The following SLC9A6 variants were observed in gnomAD, a reference collection of about 807,000 sequenced individuals.
SLC9A6 encodes the protein solute carrier family 9 member A6, also known as sodium/hydrogen exchanger 6.
In SLC9A6, 6 loss-of-function variants were observed where a neutral mutation model predicts 45.3. That is an observed-to-expected ratio of 0.13 (90% CI 0.07 to 0.26). SLC9A6 has a LOEUF of 0.26. Among genes scored for constraint, SLC9A6 ranks in the 10% least tolerant of loss-of-function variants. SLC9A6 has a pLI of 1.00. For missense variants in SLC9A6, 278 were observed against 503.7 expected, an observed-to-expected ratio of 0.55 and a Z score of 4.29; for synonymous variants, 191 against 187.7, an observed-to-expected ratio of 1.02 and a Z score of -0.14.
intron 11 of SLC9A6, 106 bp downstream of exon 11, chrX:136,016,864 C>T (rs1742421887): frequency 1.1e-5 from 5 of 445,941 alleles, no homozygotes; most frequent in Admixed American, 4.5e-5. Flanking sequence ...ATACAGTTTT[C>T]CTCTGAGTAA....
At chrX:136,031,525 C>A (rs1342013497) in intron 15 of SLC9A6, among the ~76,000 whole-genome samples, 1 of 112,337 alleles carries the variant, frequency 8.9e-6, no homozygotes, top group African/African-American at 3.2e-5. Context: ...CATGGTGAAA[C>A]CCTGTCTCTG....
intron 8 of SLC9A6, among the ~76,000 whole-genome samples, chrX:136,012,077 G>A (rs1175730135): frequency 1.8e-5 from 2 of 112,350 alleles, no homozygotes; most frequent in African/African-American, 6.5e-5. Context: ...GCGACAGTGC[G>A]AGACTCCGTC....
At position 136,010,481 on chromosome X, in the gene SLC9A6, C is replaced by A; in HGVS notation, c.783C>A (p.His261Gln). Residue 261 changes from histidine (H) to glutamine (Q), a missense_variant, in exon 8 of 18, where the codon CAC (histidine) becomes CAA (glutamine). Physicochemically the swap from His to Gln is conservative, Grantham distance 24 (BLOSUM62 0). Around this residue, in one of 5 missense-constraint regions of SLC9A6, gnomAD observed 118 missense variants for 209.9 expected, o/e 0.56. Coordinates refer to ENST00000630721, the MANE Select transcript of SLC9A6 (RefSeq NM_001379110.1). Reference sequence around the variant, plus strand: ...ACCAGCCAGCTGGAGACAACAGTCACACCTTTGATGTCACAGCGATGTTCA... The same window carrying A: ...ACCAGCCAGCTGGAGACAACAGTCAAACCTTTGATGTCACAGCGATGTTCA... Reference protein sequence around the residue: ...VAYQPAGDNSHTFDVTAMFKS... With the variant: ...VAYQPAGDNSQTFDVTAMFKS... The A allele has an allele frequency of 8.3e-7, 1 of 1,211,097 alleles. No homozygotes were observed. The highest frequency in any genetic ancestry group is 1.1e-6 in the Non-Finnish European group (1 of 894,721).
At chrX:136,023,293 A>G in intron 12 of SLC9A6, among the ~76,000 whole-genome samples, 1 of 93,715 alleles carries the variant, frequency 1.1e-5, no homozygotes, top group East Asian at 3.5e-4. Context: ...ATTATGTCAT[A>G]CAAAGTGAGA....
intron 7 of SLC9A6, among the ~76,000 whole-genome samples, chrX:136,004,014 T>C (rs2089619078): frequency 9.1e-6 from 1 of 109,358 alleles, no homozygotes; most frequent in African/African-American, 3.3e-5. Context: ...TACATGTTAC[T>C]ATAAGGTGTT....
chrX:136,012,258 A>C (rs1412481784), intron 8 of SLC9A6, among the ~76,000 whole-genome samples: 1 of 112,950 alleles, frequency 8.9e-6, no homozygotes, highest in Non-Finnish European at 1.9e-5. Flanking sequence ...GGCATAAAGC[A>C]GCAGTAAAAA....
intron 10 of SLC9A6, among the ~76,000 whole-genome samples, chrX:136,014,539 C>T (rs1434377367): frequency 5.3e-5 from 6 of 112,661 alleles, no homozygotes; most frequent in East Asian, 2.8e-4. Context: ...CCAAAGCGGG[C>T]GGATCACCCG....
At chrX:135,973,913 G>A (rs1556612943), upstream of SLC9A6, 2 of 1,144,424 alleles carry the variant, frequency 1.7e-6, no homozygotes, top group African/African-American at 1.9e-5. Flanking sequence ...CGCTATGGAG[G>A]CCTCTCTAGG....
rs147100897 is a variant in SLC9A6 at position 136,008,147 on chromosome X, T to G, written c.744-2295T>G. Among the ~76,000 whole-genome samples, 820 of 112,371 alleles carry G rather than the reference T, an allele frequency of 7.3e-3. 6 individuals are homozygous for G. Among genetic ancestry groups the G allele is most frequent in the Middle Eastern group, 0.019 (4 of 216 alleles). ...AAAAATAGTAGAAGCAACTTTCAAA[T>G]GTCTAACAATGAGGAAATGGTTGAA... On this transcript the variant is annotated intron_variant, in intron 7 of 17. Transcript: ENST00000630721.
intron 7 of SLC9A6, among the ~76,000 whole-genome samples, chrX:136,002,815 C>A (rs2089601687): frequency 9.0e-6 from 1 of 111,145 alleles, no homozygotes; most frequent in Non-Finnish European, 1.9e-5. Context: ...ACCTCGATTT[C>A]CCAAAGTGCT....
intron 11 of SLC9A6, among the ~76,000 whole-genome samples, chrX:136,019,005 G>A (rs1379322264): frequency 9.0e-6 from 1 of 111,018 alleles, no homozygotes; most frequent in Non-Finnish European, 1.9e-5. Context: ...AAAGTGGCTC[G>A]ATCCACTATA....
chrX:135,978,957 C>T (rs782080087), intron 1 of SLC9A6, among the ~76,000 whole-genome samples: 8 of 110,440 alleles, frequency 7.2e-5, no homozygotes, highest in African/African-American at 9.9e-5. Context: ...ACCCCTCATT[C>T]GTCATGATTG....
Position 136,044,434 on chromosome X carries a change from T to TA in SLC9A6, c.1768-17dup. 8.4e-7 allele frequency: 1 copy of TA among 1,195,539 alleles called. No homozygotes were observed. ...GAACTTCTCAAAAATTCTTAAATCT[T>TA]ACTTTATTTGCATTTAGAACCAGGA... On this transcript the variant is annotated splice_polypyrimidine_tract_variant and intron_variant, in intron 17 of 17. Coordinates refer to ENST00000630721, the MANE Select transcript of SLC9A6 (RefSeq NM_001379110.1).
Position 136,022,705 on chromosome X carries a change from G to A in SLC9A6, c.1306+8G>A, listed in dbSNP as rs6654310. The A allele has an allele frequency of 0.052, 57,452 of 1,106,638 alleles. 1,438 individuals are homozygous for A. Among genetic ancestry groups the A allele is most frequent in the African/African-American group, 0.16 (9,093 of 55,119 alleles). 91.2% of individuals were successfully genotyped at this position (1,106,638 alleles called of 1,213,427 possible). ...ACATGATGATGTTTGCTGGTAAGTT[G>A]TAACTTTCTTCTCTTGCCCACTTCA... On this transcript the variant is annotated splice_region_variant and intron_variant, in intron 12 of 17. Transcript: ENST00000630721.
intron 14 of SLC9A6, 53 bp from the exon 15 acceptor site, chrX:136,030,079 T>C: frequency 8.8e-7 from 1 of 1,135,940 alleles, no homozygotes. Context: ...TATGTGTGAA[T>C]AGACCATTTT....
Position 136,033,492 on chromosome X carries a change from A to G in SLC9A6, c.1660A>G (p.Asn554Asp). ...LFRMWYNFDHNYLKPLLTHSG... is the reference protein window; with the variant it reads ...LFRMWYNFDHDYLKPLLTHSG... ...CCGGATGTGGTACAACTTTGATCAT[A>G]AGTATCCTTAATTGAGGGAAAAAAA... The change falls in exon 16 of 18, where the codon AAC becomes GAC. Residue 554 changes from asparagine to aspartate, a missense_variant and splice_region_variant. Physicochemically the swap from Asn to Asp is conservative, Grantham distance 23 (BLOSUM62 1). This residue lies in a region of SLC9A6 where 91 missense variants were observed against 125.1 expected (regional missense o/e 0.73). Coordinates refer to ENST00000630721, the MANE Select transcript of SLC9A6 (RefSeq NM_001379110.1). The G allele has an allele frequency of 9.0e-7, 1 of 1,112,296 alleles. No homozygotes were observed. The highest frequency in any genetic ancestry group is 1.2e-6 in the Non-Finnish European group (1 of 811,914). 91.7% of individuals were successfully genotyped at this position (1,112,296 alleles called of 1,213,427 possible).
At chrX:135,998,300 C>G in intron 4 of SLC9A6, 115 bp downstream of exon 4, 1 of 581,041 alleles carries the variant, frequency 1.7e-6, no homozygotes, top group Admixed American at 3.0e-5. Context: ...TTCTCCTCTC[C>G]TTATCCTTTT....
chrX:136,046,249 T>C lies in SLC9A6; in HGVS notation c.*1525T>C, dbSNP rs1174428447. The C allele has an allele frequency of 8.9e-6, 1 of 112,666 alleles. No homozygotes were observed. The highest frequency in any genetic ancestry group is 3.2e-5 in the African/African-American group (1 of 30,903). The allele number at this position is 112,666 out of a possible 1,213,427, so 9.3% of individuals were successfully genotyped here. A position where few individuals can be genotyped will look rare whatever the true frequency, so the allele number is the denominator to read the frequency against. ...ATACCCTTCTGAACAAAACATGTAC[T>C]TACTCTCCGAAAGGCATCTATCTGT... On this transcript the variant is annotated 3_prime_UTR_variant, in exon 18 of 18. Transcript: ENST00000630721.
chrX:136,041,203 G>A (rs782656077), intron 17 of SLC9A6, among the ~76,000 whole-genome samples: 4 of 111,962 alleles, frequency 3.6e-5, no homozygotes, highest in African/African-American at 1.3e-4. Context: ...AGGCTCCCCT[G>A]TTAACAAAGC....
Sources: gnomAD v4.1 joint callset for allele counts (sites outside exome capture counted in the v4.1 genomes callset) on GRCh38, gnomAD v4.1.1 for gene constraint, gnomAD v4.1.1 regional missense constraint, MANE v1.5 for transcripts, NCBI Gene and HGNC (gene_info 2026-07-23, HGNC 2026-07-21) for gene names.